The following TMEM178B variants were observed in gnomAD, a reference collection of about 807,000 sequenced individuals.
TMEM178B encodes the protein transmembrane protein 178B.
TMEM178B carries 5 observed loss-of-function variants against 31.0 expected under a neutral mutation model. That is an observed-to-expected ratio of 0.16 (90% CI 0.08 to 0.34). The LOEUF is 0.34. Ranked by LOEUF, TMEM178B falls within the 10% of genes least tolerant of loss-of-function variation. The probability of loss-of-function intolerance (pLI) is 1.00; values close to 1 mark genes in which losing one functional copy is unlikely to be tolerated. For synonymous variants in TMEM178B, 164 were observed against 164.0 expected (o/e 1.00, Z 0.00); for missense variants, 275 against 400.3 (o/e 0.69, Z 2.67).
At chr7:141,295,651 C>T (rs1488987169) in intron 2 of TMEM178B, among the ~76,000 whole-genome samples, 1 of 152,098 alleles carries the variant, frequency 6.6e-6, no homozygotes, top group Non-Finnish European at 1.5e-5. Context: ...ACAGGCTTGG[C>T]CTTGCCTTTG....
At chr7:141,451,679 G>T (rs1801865674) in intron 3 of TMEM178B, among the ~76,000 whole-genome samples, 1 of 152,160 alleles carries the variant, frequency 6.6e-6, no homozygotes, top group African/African-American at 2.4e-5. Flanking sequence ...AGAGGAAGCT[G>T]GTTCTGTTCA....
In TMEM178B at chr7:141,351,430, A is replaced by G. The variant is rs551200073; in HGVS notation, c.497-86178A>G. Among the ~76,000 whole-genome samples, 15 of 152,368 alleles carry G rather than the reference A, an allele frequency of 9.8e-5. No individual in the cohort carries two copies. The South Asian group carries it at 3.1e-3, about 32-fold the overall frequency. On this transcript the variant is annotated intron_variant, in intron 2 of 3. Transcript: ENST00000565468. ...GCCAGTCCAGGCTTGTTTACATGGC[A>G]GTTTGGCAGGTTTCTGAGAGAGAGC...
At chr7:141,236,052 G>A (rs1331829844) in intron 2 of TMEM178B, among the ~76,000 whole-genome samples, 1 of 152,198 alleles carries the variant, frequency 6.6e-6, no homozygotes, top group Non-Finnish European at 1.5e-5. Context: ...AAGAGATGGG[G>A]ACAAGAGAAC....
intron 2 of TMEM178B, among the ~76,000 whole-genome samples, chr7:141,376,321 T>C (rs2116578965): frequency 6.6e-6 from 1 of 152,370 alleles, no homozygotes; most frequent in South Asian, 2.1e-4. Flanking sequence ...TCACTGGGTA[T>C]GTACCTACTT....
chr7:141,375,449 G>A (rs975052754), intron 2 of TMEM178B, among the ~76,000 whole-genome samples: 4 of 152,312 alleles, frequency 2.6e-5, no homozygotes, highest in African/African-American at 9.6e-5. Flanking sequence ...AAGACAGAGA[G>A]TTACAAATAT....
intron 1 of TMEM178B, among the ~76,000 whole-genome samples, chr7:141,129,714 G>A (rs1170845490): frequency 6.6e-6 from 1 of 152,142 alleles, no homozygotes; most frequent in Non-Finnish European, 1.5e-5. Flanking sequence ...CCTCAGGAGG[G>A]CCTGAGAACA....
intron 2 of TMEM178B, among the ~76,000 whole-genome samples, chr7:141,419,752 C>G (rs1801167227): frequency 6.6e-6 from 1 of 152,212 alleles, no homozygotes; most frequent in African/African-American, 2.4e-5. Context: ...ATCCCCTTCT[C>G]TAGTCATCAG....
chr7:141,252,563 A>G (rs1489864476), intron 2 of TMEM178B, among the ~76,000 whole-genome samples: 3 of 152,222 alleles, frequency 2.0e-5, no homozygotes, highest in Non-Finnish European at 4.4e-5. Flanking sequence ...TTTGATGTCT[A>G]TCTGAATTTT....
At chr7:141,315,956 A>G (rs868586245) in intron 2 of TMEM178B, among the ~76,000 whole-genome samples, 33 of 152,186 alleles carry the variant, frequency 2.2e-4, no homozygotes, top group African/African-American at 8.0e-4. Flanking sequence ...TTTATCGTTT[A>G]TGAGCTTGAT....
intron 2 of TMEM178B, among the ~76,000 whole-genome samples, chr7:141,409,212 G>C (rs1199053114): frequency 6.6e-6 from 1 of 152,196 alleles, no homozygotes; most frequent in Non-Finnish European, 1.5e-5. Context: ...CATGTGAGAG[G>C]ACAAAGGGCC....
intron 1 of TMEM178B, among the ~76,000 whole-genome samples, chr7:141,145,794 G>A (rs1417602166): frequency 1.3e-5 from 2 of 152,210 alleles, no homozygotes; most frequent in East Asian, 3.8e-4. Flanking sequence ...ATCTGCAATT[G>A]CAAGAGCTGC....
intron 2 of TMEM178B, among the ~76,000 whole-genome samples, chr7:141,436,413 A>G (rs192963226): frequency 6.6e-6 from 1 of 152,298 alleles, no homozygotes. Flanking sequence ...CCTGGGAAGC[A>G]CAGACCCTGG....
chr7:141,161,071 G>T (rs575435354), intron 1 of TMEM178B, among the ~76,000 whole-genome samples: 2 of 152,044 alleles, frequency 1.3e-5, no homozygotes, highest in African/African-American at 4.8e-5. Flanking sequence ...TGGTCAGGCT[G>T]GTCTTGAACT....
chr7:141,113,692 G>A (rs540891129), intron 1 of TMEM178B, among the ~76,000 whole-genome samples: 9 of 152,260 alleles, frequency 5.9e-5, no homozygotes, highest in South Asian at 2.1e-4. Context: ...GAGCTGGGCC[G>A]TCCTCAGTCT....
At chr7:141,272,895 G>C (rs1013408809) in intron 2 of TMEM178B, among the ~76,000 whole-genome samples, 42 of 152,192 alleles carry the variant, frequency 2.8e-4, no homozygotes, top group Non-Finnish European at 2.9e-5. Flanking sequence ...ACTGAAATTA[G>C]TCTGTCAAAG....
chr7:141,230,616 T>C (rs1385714030), intron 2 of TMEM178B, among the ~76,000 whole-genome samples: 1 of 152,150 alleles, frequency 6.6e-6, no homozygotes. Context: ...CCTTATTTAA[T>C]CTTTTTCCAC....
intron 2 of TMEM178B, among the ~76,000 whole-genome samples, chr7:141,397,942 C>T (rs1800687131): frequency 6.6e-6 from 1 of 152,156 alleles, no homozygotes; most frequent in African/African-American, 2.4e-5. Context: ...ATATTGGCCC[C>T]TCTGGCATCA....
intron 2 of TMEM178B, among the ~76,000 whole-genome samples, chr7:141,359,096 A>G (rs1799872886): frequency 1.3e-5 from 2 of 152,218 alleles, no homozygotes; most frequent in African/African-American, 4.8e-5. Context: ...AACTAGCCCC[A>G]AGAAATTCCA....
chr7:141,457,231 C>T (rs1363947307), intron 3 of TMEM178B, among the ~76,000 whole-genome samples: 1 of 152,116 alleles, frequency 6.6e-6, no homozygotes, highest in Non-Finnish European at 1.5e-5. Flanking sequence ...TAATTTGAGG[C>T]TTTACAGCAA....
Sources: allele counts gnomAD v4.1 joint callset (sites outside exome capture counted in the v4.1 genomes callset), GRCh38; gene constraint gnomAD v4.1.1; transcripts MANE v1.5; gene names NCBI Gene and HGNC (gene_info 2026-07-23, HGNC 2026-07-21).